The following STPG1 variants were observed in gnomAD, a reference collection of about 807,000 sequenced individuals.
STPG1 encodes sperm tail PG-rich repeat containing 1.
In STPG1, 33 loss-of-function variants were observed where a neutral mutation model predicts 40.1. The ratio of observed to expected loss-of-function variants is 0.82; its 90% CI spans 0.62 to 1.10. The LOEUF (loss-of-function observed/expected upper bound fraction) is 1.10. Ranked by LOEUF, STPG1 falls within the 50% of genes least tolerant of loss-of-function variation. The probability of loss-of-function intolerance (pLI) is 0.00; values close to 1 mark genes in which losing one functional copy is unlikely to be tolerated. For synonymous variants in STPG1, 150 were observed against 155.0 expected, an observed-to-expected ratio of 0.97 and a Z score of 0.24; for missense variants, 396 against 415.1, an observed-to-expected ratio of 0.95 and a Z score of 0.40.
At position 24,360,997 on chromosome 1, in the gene STPG1, G is replaced by C; in HGVS notation, c.782C>G (p.Pro261Arg). The change falls in exon 8 of 9, where the codon CCT becomes CGT. Residue 261 changes from proline to arginine, a missense_variant. Transcript: ENST00000337248. The stretch of plus-strand genomic sequence containing the variant: ...AGGACCTGGGAAAGGTGGCTTCGGA[G>C]GCAGAGGCGAAGGCTGAGCAGAGAA... ...LNFSAQPSPLPPKPPFPGPGQ... is the reference protein window; with the variant it reads ...LNFSAQPSPLRPKPPFPGPGQ... 6.2e-7 allele frequency: 1 copy of C among 1,613,434 alleles called. No homozygotes were observed. Among genetic ancestry groups the C allele is most frequent in the South Asian group, 1.1e-5 (1 of 90,832 alleles).
chr1:24,401,313 A>T lies in STPG1; in HGVS notation c.70+6T>A, dbSNP rs1054166076. Reference sequence around the variant, plus strand: ...AGCTATCTCCTCCCTGCAAAGACACATGTACCTTTCTGTACTTCACTGGCA... The same window carrying T: ...AGCTATCTCCTCCCTGCAAAGACACTTGTACCTTTCTGTACTTCACTGGCA... On this transcript the variant is annotated splice_donor_region_variant and intron_variant, in intron 2 of 8. Transcript: ENST00000337248. 4 of 1,613,730 alleles carry T rather than the reference A, an allele frequency of 2.5e-6. No homozygotes were observed. In the African/African-American group the frequency reaches 5.3e-5, roughly 22 times the overall value.
rs542072505 is a variant in STPG1, at chr1:24,386,165, A to G, written c.190-2162T>C. On this transcript the variant is annotated intron_variant, in intron 3 of 8. Coordinates refer to ENST00000337248, the MANE Select transcript of STPG1 (RefSeq NM_001199013.2). ...TGATGATTTTAGTATATCCCATGCA[A>G]TATTTGGGACATACTTGTACTAACA... Among the ~76,000 whole-genome samples, 7 of 152,342 alleles carry G rather than the reference A, an allele frequency of 4.6e-5. 1 individual carries two copies. In the East Asian group the frequency reaches 7.7e-4, roughly 17 times the overall value.
At chr1:24,362,071 C>T (rs1201325844) in intron 7 of STPG1, among the ~76,000 whole-genome samples, 3 of 152,202 alleles carry the variant, frequency 2.0e-5, no homozygotes, top group Non-Finnish European at 2.9e-5. Context: ...AGGTTCTCCG[C>T]ACTGAATGGC....
At chr1:24,388,590 T>A (rs1408850736) in intron 3 of STPG1, among the ~76,000 whole-genome samples, 1 of 152,192 alleles carries the variant, frequency 6.6e-6, no homozygotes, top group African/African-American at 2.4e-5. Flanking sequence ...GCACTGATTC[T>A]CTGTGTCAAA....
rs1231406918 is a variant in STPG1, at chr1:24,361,732, C to T, written c.738-691G>A. On this transcript the variant is annotated intron_variant, in intron 7 of 8. Transcript: ENST00000337248. ...TTTTCAAGTCTGTCTTCCCCTCCTT[C>T]CAGAAAGGGAGTCTATCTTTTATCT... 8.1e-4 allele frequency among the ~76,000 whole-genome samples: 123 copies of T among 152,270 alleles called. 1 individual carries two copies. The highest frequency in any genetic ancestry group is 5.9e-5 in the Non-Finnish European group (4 of 68,020).
At chr1:24,385,351 C>T (rs1480151497) in intron 3 of STPG1, among the ~76,000 whole-genome samples, 1 of 152,030 alleles carries the variant, frequency 6.6e-6, no homozygotes, top group Non-Finnish European at 1.5e-5. Flanking sequence ...CCCCGGTGGA[C>T]GGAAGAGGAA....
At chr1:24,358,764 A>G in intron 8 of STPG1, 145 bp from the exon 9 acceptor site, 1 of 625,078 alleles carries the variant, frequency 1.6e-6, no homozygotes, top group Non-Finnish European at 2.8e-6. Flanking sequence ...AGAGGAAGGA[A>G]CTGGCCCGAG....
At position 24,360,983 on chromosome 1, in the gene STPG1, A is replaced by C. The variant is rs750618882; in HGVS notation, c.796T>G (p.Phe266Val). The C allele has an allele frequency of 1.9e-6, 3 of 1,613,626 alleles. No homozygotes were observed. The African/African-American group carries it at 4.0e-5, about 22-fold the overall frequency. Reference protein sequence around the residue: ...QPSPLPPKPPFPGPGQYEIVD... With the variant: ...QPSPLPPKPPVPGPGQYEIVD... Reference sequence around the variant, plus strand: ...ATCTCATACTGACCAGGACCTGGGAAAGGTGGCTTCGGAGGCAGAGGCGAA... The same window carrying C: ...ATCTCATACTGACCAGGACCTGGGACAGGTGGCTTCGGAGGCAGAGGCGAA... The change falls in exon 8 of 9, where the codon TTC (phenylalanine) becomes GTC (valine). Residue 266 changes from phenylalanine (F) to valine (V), a missense_variant. Coordinates refer to ENST00000337248, the MANE Select transcript of STPG1 (RefSeq NM_001199013.2).
intron 2 of STPG1, among the ~76,000 whole-genome samples, chr1:24,397,370 A>G (rs1463716875): frequency 2.0e-5 from 3 of 152,196 alleles, no homozygotes; most frequent in Admixed American, 2.0e-4. Flanking sequence ...TATCAATTCC[A>G]TACAAGCTGT....
intron 4 of STPG1, among the ~76,000 whole-genome samples, chr1:24,380,662 C>T (rs1460335736): frequency 2.0e-5 from 3 of 152,208 alleles, no homozygotes; most frequent in African/African-American, 7.2e-5. Flanking sequence ...CTACTTCACT[C>T]TGTGCTTGGT....
intron 2 of STPG1, among the ~76,000 whole-genome samples, chr1:24,392,235 A>G (rs1203531471): frequency 6.6e-6 from 1 of 152,176 alleles, no homozygotes; most frequent in Non-Finnish European, 1.5e-5. Context: ...ATCTATAGAA[A>G]CTGAAGTTAA....
intron 2 of STPG1, among the ~76,000 whole-genome samples, chr1:24,396,576 A>G (rs933910940): frequency 6.6e-6 from 1 of 152,232 alleles, no homozygotes; most frequent in Non-Finnish European, 1.5e-5. Context: ...TACATAAACA[A>G]ACTGGGGTGG....
In STPG1 at chr1:24,371,636, A is replaced by T. The variant is rs192771074; in HGVS notation, c.572-1797T>A. Among the ~76,000 whole-genome samples, 97 of 152,274 alleles carry T rather than the reference A, an allele frequency of 6.4e-4. 1 individual carries two copies. The Middle Eastern group carries it at 0.01, about 16-fold the overall frequency. ...TCCCAGTATATGCTTAAATTTTTAA[A>T]GAAGCAGATGTCAGCAGCATTTACA... On this transcript the variant is annotated intron_variant, in intron 6 of 8. Coordinates refer to ENST00000337248, the MANE Select transcript of STPG1 (RefSeq NM_001199013.2).
At chr1:24,364,265 T>G in intron 7 of STPG1, 2 of 1,548,554 alleles carry the variant, frequency 1.3e-6, no homozygotes, top group Non-Finnish European at 1.7e-6. Flanking sequence ...GTGACTCAAG[T>G]GAGGAACATG....
In STPG1 at chr1:24,358,566, T is replaced by G. The variant is rs1442897435; in HGVS notation, c.982A>C (p.Lys328Gln). The G allele has an allele frequency of 6.2e-7, 1 of 1,614,016 alleles. No individual in the cohort carries two copies. Among genetic ancestry groups the G allele is most frequent in the East Asian group, 2.2e-5 (1 of 44,894 alleles). The change falls in exon 9 of 9, where the codon AAG (lysine) becomes CAG (glutamine). Residue 328 changes from lysine (K) to glutamine (Q), a missense_variant. Lys to Gln is a moderately conservative substitution (Grantham distance 53, BLOSUM62 1). Coordinates refer to ENST00000337248, the MANE Select transcript of STPG1 (RefSeq NM_001199013.2). ...GKQSFLYNED[K>Q]KWIPVL ...CCCTACAGAACCGGGATCCATTTCT[T>G]GTCCTCGTTGTAGAGGAAGGACTGC...
intron 7 of STPG1, among the ~76,000 whole-genome samples, chr1:24,363,237 G>A (rs1459114616): frequency 2.0e-5 from 3 of 152,194 alleles, no homozygotes; most frequent in Admixed American, 6.5e-5. Context: ...TTGGCAAGAT[G>A]GGTTAGAGAG....
intron 3 of STPG1, among the ~76,000 whole-genome samples, chr1:24,387,580 C>T (rs1157516941): frequency 6.6e-6 from 1 of 152,180 alleles, no homozygotes; most frequent in Non-Finnish European, 1.5e-5. Context: ...TCCACTGCAC[C>T]AGCTACTTCA....
At chr1:24,396,818 T>C (rs751240694) in intron 2 of STPG1, among the ~76,000 whole-genome samples, 8 of 152,156 alleles carry the variant, frequency 5.3e-5, no homozygotes, top group Non-Finnish European at 8.8e-5. Context: ...CACAAGATGA[T>C]AGACTTAAAC....
Position 24,358,504 on chromosome 1 carries a change from G to A in STPG1, c.*39C>T. ...GTCCTGGGGACGCTGGGCAGGGTGG[G>A]CTGGTGGCTGGAGTTCTCCTTGACC... On this transcript the variant is annotated 3_prime_UTR_variant, in exon 9 of 9. Coordinates refer to ENST00000337248, the MANE Select transcript of STPG1 (RefSeq NM_001199013.2). 1.3e-6 allele frequency: 2 copies of A among 1,528,782 alleles called. No individual in the cohort carries two copies. The highest frequency in any genetic ancestry group is 2.2e-5 in the South Asian group (2 of 89,398). The allele number at this position is 1,528,782 out of a possible 1,614,324, so 94.7% of individuals were successfully genotyped here.
Sources: allele counts gnomAD v4.1 joint callset (sites outside exome capture counted in the v4.1 genomes callset), GRCh38; gene constraint gnomAD v4.1.1; transcripts MANE v1.5; gene names NCBI Gene and HGNC (gene_info 2026-07-23, HGNC 2026-07-21).